Variants in BET1 observed in about 807,000 individuals in gnomAD.
BET1 encodes Bet1 golgi vesicular membrane trafficking protein, also known as BET1 homolog.
Under a neutral mutation model 13.9 loss-of-function variants are expected in BET1, and 9 were observed. That is an observed-to-expected ratio of 0.65 (90% CI 0.39 to 1.13). The LOEUF (loss-of-function observed/expected upper bound fraction) is 1.13, where lower values mean the gene tolerates loss of function less well. Among genes scored for constraint, BET1 ranks in the 50% most tolerant of loss-of-function variants. The pLI is 0.01. For missense variants in BET1, 127 were observed against 133.6 expected (o/e 0.95, Z 0.24); for synonymous variants, 39 against 47.3 (o/e 0.82, Z 0.72).
intron 4 of BET1, among the ~76,000 whole-genome samples, chr7:93,982,969 C>G (rs1795453477): frequency 6.6e-6 from 1 of 151,954 alleles, no homozygotes; most frequent in Non-Finnish European, 1.5e-5. Flanking sequence ...CGTAATTGAC[C>G]CTACACTAGG....
At chr7:93,991,481 A>C (rs1362604244), downstream of BET1, among the ~76,000 whole-genome samples, 1 of 152,210 alleles carries the variant, frequency 6.6e-6, no homozygotes, top group Non-Finnish European at 1.5e-5. Flanking sequence ...ATGTATATTC[A>C]CAACTCTTGT....
Position 93,984,107 on chromosome 7 carries a change from T to C in BET1, c.236-8007A>G, listed in dbSNP as rs535249083. Among the ~76,000 whole-genome samples, 9 of 152,294 alleles carry C rather than the reference T, an allele frequency of 5.9e-5. No homozygotes were observed. In the East Asian group the frequency reaches 1.7e-3, roughly 29 times the overall value. ...TCTGAGAGCTCATGGGTAGGATCCT[T>C]TCTTGCCTTCTCCTAGCTTCAGGTG... On this transcript the variant is annotated intron_variant and NMD_transcript_variant, in intron 4 of 6. Coordinates refer to the BET1 transcript ENST00000357520.
At chr7:93,999,535 G>A in intron 1 of BET1, 1 of 486,748 alleles carries the variant, frequency 2.1e-6, no homozygotes, top group Non-Finnish European at 3.7e-6. Flanking sequence ...TTTCTGGATT[G>A]CTTATTGATT....
At chr7:93,994,724 C>T (rs529677798) in intron 3 of BET1, among the ~76,000 whole-genome samples, 1 of 152,178 alleles carries the variant, frequency 6.6e-6, no homozygotes, top group Non-Finnish European at 1.5e-5. Context: ...CATTATCACA[C>T]AGATTTTTTT....
downstream of BET1, among the ~76,000 whole-genome samples, chr7:93,991,010 C>T (rs1464700496): frequency 6.6e-6 from 1 of 152,020 alleles, no homozygotes; most frequent in East Asian, 1.9e-4. Flanking sequence ...AATTACTTGG[C>T]TAAGATACAG....
chr7:93,965,626 G>C (rs928766972), exon 7 of BET1: 1 of 152,002 alleles, frequency 6.6e-6, no homozygotes, highest in Non-Finnish European at 1.5e-5. Context: ...AATAGAGTTT[G>C]TGTCCTGGGG....
intron 4 of BET1, among the ~76,000 whole-genome samples, chr7:93,987,619 T>C (rs1488608541): frequency 1.3e-5 from 2 of 152,100 alleles, no homozygotes; most frequent in Non-Finnish European, 2.9e-5. Flanking sequence ...TAAACAAGCA[T>C]ATCATTGAAT....
chr7:93,982,619 G>A (rs1190433222), intron 4 of BET1, among the ~76,000 whole-genome samples: 1 of 152,054 alleles, frequency 6.6e-6, no homozygotes, highest in Non-Finnish European at 1.5e-5. Context: ...CCCATCAAAT[G>A]TCCTTCTTCT....
chr7:93,979,415 A>G (rs1378309118), intron 4 of BET1, among the ~76,000 whole-genome samples: 3 of 152,194 alleles, frequency 2.0e-5, no homozygotes, highest in African/African-American at 7.2e-5. Context: ...CATAAGTGTC[A>G]TATCATAAAT....
chr7:94,000,528 C>A (rs1450279267), intron 1 of BET1, among the ~76,000 whole-genome samples: 1 of 152,048 alleles, frequency 6.6e-6, no homozygotes, highest in Non-Finnish European at 1.5e-5. Context: ...CGGGACTGCA[C>A]AGGATTACTA....
chr7:93,979,682 C>T (rs1257057643), intron 4 of BET1, among the ~76,000 whole-genome samples: 3 of 152,160 alleles, frequency 2.0e-5, no homozygotes, highest in Non-Finnish European at 2.9e-5. Flanking sequence ...CCACCCCCAG[C>T]ATACTGCCAT....
chr7:93,984,410 A>G (rs1340892469), intron 4 of BET1, among the ~76,000 whole-genome samples: 1 of 152,140 alleles, frequency 6.6e-6, no homozygotes, highest in East Asian at 1.9e-4. Context: ...ATTTGAGAAG[A>G]GTTGGTGGAC....
Position 93,999,319 on chromosome 7 carries a change from T to C in BET1, c.20-25A>G, listed in dbSNP as rs183609681. 106 of 1,588,596 alleles carry C rather than the reference T, an allele frequency of 6.7e-5. No homozygotes were observed. In the African/African-American group the frequency reaches 1.2e-3, roughly 18 times the overall value. ...CCTGCAAGGATCAGAGTCACAAAGG[T>C]GGTTCTAGAGAAGCCACTTTTGAAA... On this transcript the variant is annotated intron_variant, in intron 1 of 3. Transcript: ENST00000222547.
chr7:93,971,972 C>G (rs749743317), intron 6 of BET1, among the ~76,000 whole-genome samples: 2 of 150,164 alleles, frequency 1.3e-5, no homozygotes, highest in Admixed American at 6.7e-5. Context: ...AAAAAAGAAG[C>G]ATTCTTGAGA....
At chr7:93,973,079 C>A (rs1795283912) in intron 5 of BET1, among the ~76,000 whole-genome samples, 1 of 151,768 alleles carries the variant, frequency 6.6e-6, no homozygotes, top group Non-Finnish European at 1.5e-5. Context: ...AAATCTGAGA[C>A]TTTTTTCATT....
chr7:93,998,753 A>C (rs1334758070), intron 2 of BET1, among the ~76,000 whole-genome samples: 1 of 152,198 alleles, frequency 6.6e-6, no homozygotes, highest in African/African-American at 2.4e-5. Flanking sequence ...ATAGAAAGGC[A>C]AAGATAGAAA....
At chr7:93,963,184 C>T (rs1415989119) in exon 7 of BET1, 1 of 151,936 alleles carries the variant, frequency 6.6e-6, no homozygotes. Flanking sequence ...AACTGAAACT[C>T]TCTCCTGTCT....
chr7:93,994,792 T>A (rs377120918), intron 3 of BET1, among the ~76,000 whole-genome samples: 2 of 152,230 alleles, frequency 1.3e-5, no homozygotes, highest in African/African-American at 4.8e-5. Flanking sequence ...GCTACCCAAG[T>A]AGAGGATTTC....
intron 1 of BET1, among the ~76,000 whole-genome samples, chr7:94,003,294 A>G (rs1247618327): frequency 1.3e-5 from 2 of 152,130 alleles, no homozygotes; most frequent in African/African-American, 4.8e-5. Flanking sequence ...TCAATAAACA[A>G]GTCTACGGTT....
Sources: allele counts gnomAD v4.1 joint callset (sites outside exome capture counted in the v4.1 genomes callset), GRCh38; gene constraint gnomAD v4.1.1; transcripts MANE v1.5; gene names NCBI Gene and HGNC (gene_info 2026-07-23, HGNC 2026-07-21).